The following PTPRN2 variants were observed in gnomAD, a reference collection of about 807,000 sequenced individuals.
PTPRN2 encodes receptor-type tyrosine-protein phosphatase N2.
In PTPRN2, 74 loss-of-function variants were observed where a neutral mutation model predicts 118.8. The ratio of observed to expected loss-of-function variants is 0.62; its 90% CI spans 0.52 to 0.76. PTPRN2 has a LOEUF of 0.76. Among genes scored for constraint, PTPRN2 ranks in the 30% least tolerant of loss-of-function variants. The probability of loss-of-function intolerance (pLI) is 0.00; values close to 1 mark genes in which losing one functional copy is unlikely to be tolerated. For synonymous variants in PTPRN2, 641 were observed against 608.0 expected, an observed-to-expected ratio of 1.05 and a Z score of -0.80; for missense variants, 1,481 against 1,394.4, an observed-to-expected ratio of 1.06 and a Z score of -0.99.
chr7:157,621,575 A>T, intron 14 of PTPRN2, 66 bp from the exon 15 acceptor site: 1 of 1,587,596 alleles, frequency 6.3e-7, no homozygotes, highest in Non-Finnish European at 8.5e-7. Context: ...GATGCACAAA[A>T]GGCAGCGGAG....
chr7:157,812,768 C>T (rs1806137196), intron 12 of PTPRN2, among the ~76,000 whole-genome samples: 3 of 152,118 alleles, frequency 2.0e-5, no homozygotes, highest in Non-Finnish European at 4.4e-5. Flanking sequence ...CTGTCTGACC[C>T]ACCACAGATG....
In PTPRN2 at chr7:158,587,720, G is replaced by A. The variant is rs1472951020; in HGVS notation, c.-51C>T. ...AGTCCATGGCCGCGCGGGAGGCGGC[G>A]GGAGGCGGCCGAGTCCGGGCCCAGG... On this transcript the variant is annotated 5_prime_UTR_variant, in exon 1 of 23. Coordinates refer to ENST00000389418, the MANE Select transcript of PTPRN2 (RefSeq NM_002847.5). 7.0e-6 allele frequency: 8 copies of A among 1,148,198 alleles called. No individual in the cohort carries two copies. In the African/African-American group the frequency reaches 1.3e-4, roughly 19 times the overall value. 71.1% of individuals were successfully genotyped at this position (1,148,198 alleles called of 1,614,324 possible).
At chr7:157,931,934 C>T (rs1415946705) in intron 11 of PTPRN2, among the ~76,000 whole-genome samples, 2 of 152,130 alleles carry the variant, frequency 1.3e-5, no homozygotes, top group African/African-American at 4.8e-5. Context: ...TCCCCTCCCC[C>T]CTTTAAAAAT....
chr7:157,541,386 T>C (rs1039300114), intron 22 of PTPRN2, among the ~76,000 whole-genome samples: 2 of 152,196 alleles, frequency 1.3e-5, no homozygotes, highest in African/African-American at 4.8e-5. Flanking sequence ...CCACAGCCAC[T>C]TGGGCAGGCA....
rs1805458415 is a variant in PTPRN2 at position 158,003,811 on chromosome 7, A to G, written c.1723+77487T>C. The stretch of plus-strand genomic sequence containing the variant: ...CCAACACGCCAAGGCCAGTGGTAAA[A>G]CGGGCCTCTGCTTTTTTTAAAGAAT... On this transcript the variant is annotated intron_variant, in intron 11 of 22. Coordinates refer to ENST00000389418, the MANE Select transcript of PTPRN2 (RefSeq NM_002847.5). The surrounding 1 kb of genome is among the most constrained non-coding windows in gnomAD (Gnocchi z 5.0). 2.0e-5 allele frequency among the ~76,000 whole-genome samples: 3 copies of G among 151,844 alleles called. No homozygotes were observed. The highest frequency in any genetic ancestry group is 7.3e-5 in the African/African-American group (3 of 41,332).
chr7:157,738,635 T>G (rs939366916), intron 12 of PTPRN2, among the ~76,000 whole-genome samples: 3 of 152,252 alleles, frequency 2.0e-5, no homozygotes, highest in Non-Finnish European at 2.9e-5. Context: ...ATATTTGACA[T>G]TTTAGGCATT....
intron 3 of PTPRN2, among the ~76,000 whole-genome samples, chr7:158,252,210 G>T (rs1796729764): frequency 6.6e-6 from 1 of 152,142 alleles, no homozygotes; most frequent in Non-Finnish European, 1.5e-5. Flanking sequence ...GAGCACCAGT[G>T]GCCTGACAAC....
At chr7:157,621,630 C>A (rs1803254130) in intron 14 of PTPRN2, 121 bp from the exon 15 acceptor site, 2 of 1,303,294 alleles carry the variant, frequency 1.5e-6, no homozygotes, top group Admixed American at 1.9e-5. Flanking sequence ...TGCTCACGAG[C>A]CTGGGCCATG....
At chr7:158,553,825 CG>C (rs961343462) in intron 1 of PTPRN2, among the ~76,000 whole-genome samples, 1 of 150,368 alleles carries the variant, frequency 6.7e-6, no homozygotes, top group African/African-American at 2.5e-5. Flanking sequence ...CACATTGCAT[CG>C]GGGGGGCTCT....
chr7:157,962,965 T>C (rs1191863432), intron 11 of PTPRN2, among the ~76,000 whole-genome samples: 1 of 152,240 alleles, frequency 6.6e-6, no homozygotes, highest in African/African-American at 2.4e-5. Flanking sequence ...TGGCAGGTCA[T>C]TGATACTGTC....
Position 157,550,343 on chromosome 7 carries a change from C to T in PTPRN2, c.2903-1324G>A, listed in dbSNP as rs1037047571. Among the ~76,000 whole-genome samples, 5 of 152,080 alleles carry T rather than the reference C, an allele frequency of 3.3e-5. No homozygotes were observed. The highest frequency in any genetic ancestry group is 7.4e-5 in the Non-Finnish European group (5 of 68,008). On this transcript the variant is annotated intron_variant, in intron 21 of 22. Transcript: ENST00000389418. This position sits in a 1 kb window ranked among gnomAD's most constrained non-coding sequence, Gnocchi z 5.2. ...GCGAAGCACCTCCAAGTCAGAACTG[C>T]GGGCAGCTAGGAGGGAACGGCAGGG... is the stretch of plus-strand genomic sequence containing the variant.
intron 1 of PTPRN2, among the ~76,000 whole-genome samples, chr7:158,515,603 C>T (rs2129447352): frequency 6.6e-6 from 1 of 152,286 alleles, no homozygotes; most frequent in East Asian, 1.9e-4. Flanking sequence ...GAGGCGAGTC[C>T]CAGGGGCTTT....
chr7:158,441,014 AGTC>A lies in PTPRN2; in HGVS notation c.163+48718_163+48720del, dbSNP rs1285123660. Among the ~76,000 whole-genome samples, 24 of 109,834 alleles carry A rather than the reference AGTC, an allele frequency of 2.2e-4. 1 individual carries two copies. Among genetic ancestry groups the A allele is most frequent in the Admixed American group, 5.8e-4 (7 of 12,148 alleles). The allele number at this position is 109,834 out of a possible 152,430, so 72.1% of individuals were successfully genotyped here. On this transcript the variant is annotated intron_variant, in intron 2 of 22. Transcript: ENST00000389418. ...TGATGGCAGTGATGGGGGTGGTGGT[AGTC>A]GTGGTGGTGGTGACAGTGGTAGTAG...
At chr7:158,071,662 TCG>T (rs1811760774) in intron 11 of PTPRN2, among the ~76,000 whole-genome samples, 6 of 138,940 alleles carry the variant, frequency 4.3e-5, no homozygotes, top group Admixed American at 7.2e-5. Flanking sequence ...ATGGAGGTGC[TCG>T]TGGTGGTGGA....
Position 157,649,027 on chromosome 7 carries a change from T to C in PTPRN2, c.2196+7330A>G, listed in dbSNP as rs1319725454. 2.8e-5 allele frequency among the ~76,000 whole-genome samples: 4 copies of C among 141,310 alleles called. No individual in the cohort carries two copies. The East Asian group carries it at 1.1e-3, about 39-fold the overall frequency. 92.7% of individuals were successfully genotyped at this position (141,310 alleles called of 152,430 possible). On this transcript the variant is annotated intron_variant, in intron 14 of 22. Coordinates refer to ENST00000389418, the MANE Select transcript of PTPRN2 (RefSeq NM_002847.5). ...TGGGTCGGATCCATTCACTGTGCAC[T>C]GAACTCGGTGGGTTGGACCCATCCA... is the stretch of plus-strand genomic sequence containing the variant.
In PTPRN2 at chr7:158,430,519, C is replaced by T. The variant is rs183511102; in HGVS notation, c.163+59216G>A. On this transcript the variant is annotated intron_variant, in intron 2 of 22. Transcript: ENST00000389418. The stretch of plus-strand genomic sequence containing the variant: ...CCTCGCACGGCTCAGCGCGGCACCC[C>T]CTCCCTGTGGATTCCCGCTCTGAGA... Among the ~76,000 whole-genome samples, 12 of 152,360 alleles carry T rather than the reference C, an allele frequency of 7.9e-5. 1 individual carries two copies. In the East Asian group the frequency reaches 1.9e-3, roughly 25 times the overall value.
chr7:157,864,922 A>G (rs1469584122), intron 12 of PTPRN2: 1 of 151,954 alleles, frequency 6.6e-6, no homozygotes, highest in Non-Finnish European at 1.5e-5. Context: ...CTGACCCCCA[A>G]CCTGCACAAG....
At chr7:158,217,001 C>T (rs1203969939) in intron 3 of PTPRN2, among the ~76,000 whole-genome samples, 2 of 152,136 alleles carry the variant, frequency 1.3e-5, no homozygotes, top group Admixed American at 6.5e-5. Context: ...GAAGATAATA[C>T]ATTACATGTA....
intron 1 of PTPRN2, among the ~76,000 whole-genome samples, chr7:158,547,097 G>A (rs1257472709): frequency 6.6e-6 from 1 of 152,200 alleles, no homozygotes; most frequent in Non-Finnish European, 1.5e-5. Context: ...TGCAGGCAAA[G>A]TGGCCTTCTC....
Sources: allele counts gnomAD v4.1 joint callset (sites outside exome capture counted in the v4.1 genomes callset), GRCh38; gene constraint gnomAD v4.1.1; non-coding constraint Gnocchi (gnomAD v3.1); transcripts MANE v1.5; gene names NCBI Gene and HGNC (gene_info 2026-07-23, HGNC 2026-07-21).